FGD5: variants seen among roughly 807,000 people sequenced by gnomAD.
The protein encoded by FGD5 is FYVE, RhoGEF and PH domain-containing protein 5.
FGD5 carries 28 observed loss-of-function variants against 133.4 expected under a neutral mutation model. The ratio of observed to expected loss-of-function variants is 0.21; its 90% CI spans 0.16 to 0.29. The LOEUF (loss-of-function observed/expected upper bound fraction) is 0.29, where lower values mean the gene tolerates loss of function less well. Among genes scored for constraint, FGD5 ranks in the 10% least tolerant of loss-of-function variants. FGD5 has a pLI of 1.00. For missense variants in FGD5, 1,858 were observed against 1,895.2 expected (o/e 0.98, Z 0.36); for synonymous variants, 810 against 776.5 (o/e 1.04, Z -0.72).
At chr3:14,818,777 A>G (rs2036420901), upstream of FGD5, among the ~76,000 whole-genome samples, 1 of 152,164 alleles carries the variant, frequency 6.6e-6, no homozygotes, top group Non-Finnish European at 1.5e-5. Context: ...TTAGTGGAAA[A>G]TCAAGGGGTT....
intron 1 of FGD5, among the ~76,000 whole-genome samples, chr3:14,861,048 C>G (rs2037388861): frequency 6.6e-6 from 1 of 152,106 alleles, no homozygotes; most frequent in Non-Finnish European, 1.5e-5. Context: ...GGTATTATCA[C>G]TTAGGATGAT....
intron 1 of FGD5, among the ~76,000 whole-genome samples, chr3:14,850,340 C>G (rs1449231406): frequency 3.3e-5 from 5 of 152,224 alleles, no homozygotes; most frequent in Non-Finnish European, 5.9e-5. Flanking sequence ...GGGTGCTTCT[C>G]CCTCTCCCAC....
At chr3:14,845,744 T>C (rs1268234169) in intron 1 of FGD5, among the ~76,000 whole-genome samples, 2 of 152,232 alleles carry the variant, frequency 1.3e-5, no homozygotes, top group African/African-American at 4.8e-5. Flanking sequence ...GCAGTGTTCA[T>C]TGCCACGTGC....
Position 14,922,290 on chromosome 3 carries a change from GACCC to G in FGD5, c.3670-118_3670-115del. On this transcript the variant is annotated intron_variant, in intron 14 of 19. Transcript: ENST00000285046. This position sits in a 1 kb window ranked among gnomAD's most constrained non-coding sequence, Gnocchi z 4.1. ...GGTGCAGGAGAGGCCTTTCACATCA[GACCC>G]ACTCACCCACACATCACACACCCTG... 1 of 1,405,458 alleles carries G rather than the reference GACCC, an allele frequency of 7.1e-7. No homozygotes were observed. Among genetic ancestry groups the G allele is most frequent in the Admixed American group, 2.1e-5 (1 of 48,626 alleles). 87.1% of individuals were successfully genotyped at this position (1,405,458 alleles called of 1,614,324 possible). A position where few individuals can be genotyped will look rare whatever the true frequency, so the allele number is the denominator to read the frequency against.
At chr3:14,815,405 C>T (rs2036353502), upstream of FGD5, among the ~76,000 whole-genome samples, 1 of 151,946 alleles carries the variant, frequency 6.6e-6, no homozygotes, top group South Asian at 2.1e-4. Flanking sequence ...CATCATCTAG[C>T]ATATGATATG....
Position 14,819,686 on chromosome 3 carries a change from GC to G in FGD5, c.621del (p.Asp208ThrfsTer132). On this transcript the variant is annotated frameshift_variant, in exon 1 of 20. Transcript: ENST00000285046. LOFTEE classifies it high-confidence loss of function. The surrounding 1 kb of genome is among the most constrained non-coding windows in gnomAD (Gnocchi z 4.1). The stretch of plus-strand genomic sequence containing the variant: ...CTCACATCCATGGAGAGGACCAGGA[GC>G]CCCCCGACACCCCCGGGGAGGCAGA... ...LPHIHGEDQE[P>X]PDTPGEAEED... 1 of 1,541,592 alleles carries G rather than the reference GC, an allele frequency of 6.5e-7. No individual in the cohort carries two copies. Among genetic ancestry groups the G allele is most frequent in the Non-Finnish European group, 8.8e-7 (1 of 1,141,628 alleles).
Position 14,820,761 on chromosome 3 carries a change from C to G in FGD5, c.1690C>G (p.Gln564Glu). 1 of 1,612,928 alleles carries G rather than the reference C, an allele frequency of 6.2e-7. No individual in the cohort carries two copies. Among genetic ancestry groups the G allele is most frequent in the South Asian group, 1.1e-5 (1 of 90,892 alleles). The change falls in exon 1 of 20, where the codon CAG becomes GAG. Residue 564 changes from glutamine to glutamate, a missense_variant. Physicochemically the swap from Gln to Glu is conservative, Grantham distance 29. Transcript: ENST00000285046. ...EGREIPVSVY[Q>E]EPEGSGLDDH... Reference sequence around the variant, plus strand: ...CCGAGAGATTCCAGTGTCCGTGTACCAGGAGCCTGAGGGGTCAGGGTTGGA... The same window carrying G: ...CCGAGAGATTCCAGTGTCCGTGTACGAGGAGCCTGAGGGGTCAGGGTTGGA...
Position 14,921,912 on chromosome 3 carries a change from C to A in FGD5, c.3570-6C>A. ...TGCCTTTGCTCACTCCAGCCCATGC[C>A]CGCAGCTCCTGTGCAGAGAGGGACG... On this transcript the variant is annotated splice_region_variant and splice_polypyrimidine_tract_variant and intron_variant, in intron 13 of 19. Transcript: ENST00000285046. 1 of 1,560,324 alleles carries A rather than the reference C, an allele frequency of 6.4e-7. No homozygotes were observed. The highest frequency in any genetic ancestry group is 1.2e-5 in the South Asian group (1 of 84,490).
At chr3:14,858,977 A>G (rs2037343384) in intron 1 of FGD5, among the ~76,000 whole-genome samples, 1 of 152,090 alleles carries the variant, frequency 6.6e-6, no homozygotes, top group Non-Finnish European at 1.5e-5. Flanking sequence ...TGTTTATTTT[A>G]CTGCTAACTT....
chr3:14,875,207 G>A (rs1248865961), intron 2 of FGD5, among the ~76,000 whole-genome samples: 2 of 152,176 alleles, frequency 1.3e-5, no homozygotes, highest in Non-Finnish European at 2.9e-5. Flanking sequence ...GAATTCTCCA[G>A]CTGGCCCCTT....
chr3:14,834,471 C>T (rs1178161775), intron 1 of FGD5, among the ~76,000 whole-genome samples: 1 of 152,198 alleles, frequency 6.6e-6, no homozygotes, highest in Non-Finnish European at 1.5e-5. Context: ...TGCACTGGAG[C>T]CGTTATTACT....
intron 8 of FGD5, among the ~76,000 whole-genome samples, chr3:14,900,692 A>T (rs183366833): frequency 2.3e-4 from 35 of 152,184 alleles, no homozygotes; most frequent in Admixed American, 7.8e-4. Flanking sequence ...GTCAGAGGGG[A>T]TGGGGGAGTC....
At chr3:14,850,456 CTGTG>C (rs2037137449) in intron 1 of FGD5, among the ~76,000 whole-genome samples, 1 of 152,194 alleles carries the variant, frequency 6.6e-6, no homozygotes, top group Non-Finnish European at 1.5e-5. Flanking sequence ...GTGGCAGCAC[CTGTG>C]ATGCCATTTC....
In FGD5 at chr3:14,897,802, T is replaced by C. The variant is rs148985468; in HGVS notation, c.2909+133T>C. ...GCCGAACTCCGAAGTGTTAAGTCAT[T>C]TGCTCAAAGTAAAACAACTGTGCAA... On this transcript the variant is annotated intron_variant, in intron 5 of 19. Transcript: ENST00000285046. 136 of 1,454,134 alleles carry C rather than the reference T, an allele frequency of 9.4e-5. No individual in the cohort carries two copies. The African/African-American group carries it at 1.5e-3, about 16-fold the overall frequency. 90.1% of individuals were successfully genotyped at this position (1,454,134 alleles called of 1,614,324 possible).
intron 13 of FGD5, 116 bp downstream of exon 13, chr3:14,918,949 T>C: frequency 9.1e-7 from 1 of 1,092,996 alleles, no homozygotes; most frequent in Non-Finnish European, 1.3e-6. Context: ...GGTCAAAGTA[T>C]CCTTCTGGGT....
intron 11 of FGD5, among the ~76,000 whole-genome samples, chr3:14,913,054 C>G (rs968823671): frequency 2.0e-4 from 31 of 151,988 alleles, no homozygotes; most frequent in Admixed American, 2.0e-3. Flanking sequence ...AAAAAATTCT[C>G]TCCATTGAGA....
intron 4 of FGD5, among the ~76,000 whole-genome samples, chr3:14,885,401 C>T (rs1430633539): frequency 6.6e-6 from 1 of 152,106 alleles, no homozygotes; most frequent in Non-Finnish European, 1.5e-5. Context: ...GGAGTGATTG[C>T]CTCCAGCAAA....
chr3:14,820,856 C>G lies in FGD5; in HGVS notation c.1785C>G (p.Phe595Leu). The change falls in exon 1 of 20, where the codon TTC becomes TTG. Residue 595 changes from phenylalanine to leucine, a missense_variant. Physicochemically the swap from Phe to Leu is conservative, Grantham distance 22 (BLOSUM62 0). Coordinates refer to ENST00000285046, the MANE Select transcript of FGD5 (RefSeq NM_152536.4). The part of the protein sequence containing the change: ...LSCVIGSSGS[F>L]SQRNHLPSSG... ...GTGTAATTGGCTCCTCTGGGAGTTT[C>G]TCCCAGAGAAACCACCTTCCGTCCA... The G allele has an allele frequency of 6.2e-7, 1 of 1,613,678 alleles. No homozygotes were observed.
intron 4 of FGD5, 26 bp from the exon 5 acceptor site, chr3:14,897,483 G>T: frequency 6.3e-7 from 1 of 1,593,490 alleles, no homozygotes; most frequent in African/African-American, 1.3e-5. Context: ...ATCAACCTGT[G>T]GGTAACAGAC....
Sources: allele counts gnomAD v4.1 joint callset (sites outside exome capture counted in the v4.1 genomes callset), GRCh38; gene constraint gnomAD v4.1.1; non-coding constraint Gnocchi (gnomAD v3.1); transcripts MANE v1.5; gene names NCBI Gene and HGNC (gene_info 2026-07-23, HGNC 2026-07-21).